The following ACVR1B variants were observed in gnomAD, a reference collection of about 807,000 sequenced individuals.
ACVR1B encodes activin receptor type-1B.
Under a neutral mutation model 55.6 loss-of-function variants are expected in ACVR1B, and 15 were observed. The observed-to-expected ratio is 0.27, with a 90% CI of 0.18 to 0.42. The LOEUF is 0.42. Among genes scored for constraint, ACVR1B ranks in the 10% least tolerant of loss-of-function variants. The probability of loss-of-function intolerance (pLI) is 1.00; values close to 1 mark genes in which losing one functional copy is unlikely to be tolerated. For missense variants in ACVR1B, 359 were observed against 670.1 expected (o/e 0.54, Z 5.13); for synonymous variants, 247 against 254.6 (o/e 0.97, Z 0.28).
intron 4 of ACVR1B, 38 bp downstream of exon 4, chr12:51,981,237 G>C (rs756830417): frequency 6.3e-7 from 1 of 1,574,834 alleles, no homozygotes; most frequent in Non-Finnish European, 8.7e-7. Flanking sequence ...CCCAGATAGA[G>C]GATGCTAGAG....
At chr12:51,993,937 G>T in intron 8 of ACVR1B, 48 bp from the exon 9 acceptor site, 1 of 1,607,414 alleles carries the variant, frequency 6.2e-7, no homozygotes. Flanking sequence ...GACCAGAAAG[G>T]CTTCTCCAGG....
chr12:51,981,956 G>A (rs1382154704), intron 4 of ACVR1B, among the ~76,000 whole-genome samples: 2 of 152,104 alleles, frequency 1.3e-5, no homozygotes, highest in Non-Finnish European at 2.9e-5. Flanking sequence ...TGTCGCCTTC[G>A]GACTCTGCTC....
At chr12:51,992,337 T>C (rs1403329572) in intron 8 of ACVR1B, 3 of 372,746 alleles carry the variant, frequency 8.0e-6, no homozygotes, top group Non-Finnish European at 1.4e-5. Context: ...AGACCCCATC[T>C]CTACAAGAAA....
intron 1 of ACVR1B, among the ~76,000 whole-genome samples, chr12:51,962,251 A>G (rs1289083450): frequency 6.6e-6 from 1 of 152,168 alleles, no homozygotes; most frequent in Non-Finnish European, 1.5e-5. Flanking sequence ...CAAGCTTATC[A>G]AGTGTCTTAT....
chr12:51,981,316 G>C, intron 4 of ACVR1B, 117 bp downstream of exon 4: 2 of 838,496 alleles, frequency 2.4e-6, no homozygotes, highest in South Asian at 3.7e-5. Flanking sequence ...AAGAAAACTT[G>C]AGTAAGGTCA....
intron 4 of ACVR1B, among the ~76,000 whole-genome samples, chr12:51,983,003 C>G (rs1212684219): frequency 3.3e-5 from 5 of 152,184 alleles, no homozygotes; most frequent in African/African-American, 9.7e-5. Flanking sequence ...GTGTGTGTTT[C>G]CAGGATCCAT....
chr12:51,951,811 G>C lies in ACVR1B; in HGVS notation c.68G>C (p.Gly23Ala), dbSNP rs1368067046. ...GTCCTCCTGCTCGCCGGCAGCGGCG[G>C]GTCCGGGCCCCGGGGGGTCCAGGGT... ...LVVLLLAGSG[G>A]SGPRGVQALL... The change falls in exon 1 of 9, where the codon GGG (glycine) becomes GCG (alanine). Residue 23 changes from glycine to alanine, a missense_variant. Around this residue, in one of 5 missense-constraint regions of ACVR1B, gnomAD observed 48 missense variants for 40.6 expected, o/e 1.18. Coordinates refer to ENST00000257963, the MANE Select transcript of ACVR1B (RefSeq NM_004302.5). 3 of 1,284,534 alleles carry C rather than the reference G, an allele frequency of 2.3e-6. No homozygotes were observed. Among genetic ancestry groups the C allele is most frequent in the Non-Finnish European group, 3.0e-6 (3 of 1,007,070 alleles). The allele number at this position is 1,284,534 out of a possible 1,614,324, so 79.6% of individuals were successfully genotyped here.
intron 7 of ACVR1B, 112 bp downstream of exon 7, chr12:51,987,054 A>T: frequency 7.0e-7 from 1 of 1,435,788 alleles, no homozygotes; most frequent in African/African-American, 1.4e-5. Context: ...CTGTTGCCAG[A>T]GCCTGAATCA....
intron 3 of ACVR1B, among the ~76,000 whole-genome samples, chr12:51,979,176 A>AC (rs1941930333): frequency 6.7e-6 from 1 of 149,512 alleles, no homozygotes; most frequent in Admixed American, 6.7e-5. Flanking sequence ...AAAAAAAAAA[A>AC]AAAAAAAGGC....
intron 8 of ACVR1B, 112 bp from the exon 9 acceptor site, chr12:51,993,873 A>ATCTGCC (rs1308572628): frequency 7.6e-7 from 1 of 1,322,934 alleles, no homozygotes; most frequent in Non-Finnish European, 1.0e-6. Context: ...GTGGATGTGG[A>ATCTGCC]TCTGCCAGAC....
intron 1 of ACVR1B, among the ~76,000 whole-genome samples, chr12:51,955,875 AC>A (rs1255559414): frequency 2.6e-5 from 4 of 152,206 alleles, no homozygotes; most frequent in South Asian, 4.1e-4. Flanking sequence ...AGTCCAACTT[AC>A]ATTTCTCTCA....
chr12:51,977,607 C>CTTTTTTTGTTTT (rs1941887897), intron 3 of ACVR1B, among the ~76,000 whole-genome samples: 1 of 122,976 alleles, frequency 8.1e-6, no homozygotes, highest in Non-Finnish European at 1.7e-5. Flanking sequence ...TATTGCATTC[C>CTTTTTTTGTTTT]TTTTTTTTTT....
At chr12:51,980,556 A>ACATGAGCC (rs1407143002) in intron 3 of ACVR1B, among the ~76,000 whole-genome samples, 8 of 152,300 alleles carry the variant, frequency 5.3e-5, no homozygotes, top group African/African-American at 1.9e-4. Flanking sequence ...GGCCCCCAGC[A>ACATGAGCC]CATGAGCCCA....
chr12:51,988,251 A>G (rs2120726196), intron 7 of ACVR1B, among the ~76,000 whole-genome samples: 1 of 152,328 alleles, frequency 6.6e-6, no homozygotes, highest in South Asian at 2.1e-4. Context: ...CAGGCGGATC[A>G]CGAGGTCAAG....
intron 1 of ACVR1B, among the ~76,000 whole-genome samples, chr12:51,952,880 C>G (rs1050271633): frequency 1.3e-5 from 2 of 151,440 alleles, no homozygotes; most frequent in African/African-American, 4.9e-5. Flanking sequence ...ATACCACCCC[C>G]CCACTCTCCT....
intron 1 of ACVR1B, among the ~76,000 whole-genome samples, chr12:51,961,438 A>G (rs1254617038): frequency 6.6e-6 from 1 of 152,180 alleles, no homozygotes; most frequent in Non-Finnish European, 1.5e-5. Context: ...AACATTTGTG[A>G]GTTACTTGGA....
chr12:51,976,733 AATAAG>A (rs1451362757), intron 3 of ACVR1B, among the ~76,000 whole-genome samples, 158 bp downstream of exon 3: 3 of 152,208 alleles, frequency 2.0e-5, no homozygotes, highest in African/African-American at 4.8e-5. Context: ...TCTGACGTGT[AATAAG>A]ATAAGATAAT....
Position 51,984,180 on chromosome 12 carries a change from C to T in ACVR1B, c.979+14C>T, listed in dbSNP as rs761487231. 16 of 1,613,704 alleles carry T rather than the reference C, an allele frequency of 9.9e-6. No homozygotes were observed. The highest frequency in any genetic ancestry group is 2.7e-5 in the African/African-American group (2 of 74,912). On this transcript the variant is annotated intron_variant, in intron 5 of 8. Coordinates refer to ENST00000257963, the MANE Select transcript of ACVR1B (RefSeq NM_004302.5). ...TGGGCACCCAAGGTGAGTGGACTAG[C>T]GCAGGAGCGGCGAAGTGGTGTAGGC... is the stretch of plus-strand genomic sequence containing the variant.
chr12:51,989,261 G>A (rs1342049506), intron 7 of ACVR1B, among the ~76,000 whole-genome samples: 1 of 152,130 alleles, frequency 6.6e-6, no homozygotes, highest in Non-Finnish European at 1.5e-5. Context: ...TTCTGGAAAA[G>A]GGCTTGAGAA....
Sources: allele counts gnomAD v4.1 joint callset (sites outside exome capture counted in the v4.1 genomes callset), GRCh38; gene constraint gnomAD v4.1.1; regional missense constraint gnomAD v4.1.1; transcripts MANE v1.5; gene names NCBI Gene and HGNC (gene_info 2026-07-23, HGNC 2026-07-21).